The following PID1 variants were observed in gnomAD, a reference collection of about 807,000 sequenced individuals.
PID1 encodes the protein phosphotyrosine interaction domain containing 1, also known as PTB-containing, cubilin and LRP1-interacting protein.
In PID1, 10 loss-of-function variants were observed where a neutral mutation model predicts 19.1. The ratio of observed to expected loss-of-function variants is 0.52; its 90% CI spans 0.32 to 0.89. PID1 has a LOEUF of 0.89. Among genes scored for constraint, PID1 ranks in the 40% least tolerant of loss-of-function variants. PID1 has a pLI of 0.03. For synonymous variants in PID1, 130 were observed against 116.0 expected (o/e 1.12, Z -0.78); for missense variants, 248 against 285.3 (o/e 0.87, Z 0.94).
chr2:229,040,762 A>C (rs1693755311), intron 2 of PID1, among the ~76,000 whole-genome samples: 3 of 152,242 alleles, frequency 2.0e-5, no homozygotes, highest in Admixed American at 6.5e-5. Context: ...AGACAGAAAA[A>C]CTATAAACCA....
chr2:229,207,877 G>A (rs151262124), intron 1 of PID1, among the ~76,000 whole-genome samples: 4 of 151,980 alleles, frequency 2.6e-5, no homozygotes, highest in East Asian at 3.9e-4. Flanking sequence ...AACACGGCTC[G>A]GTAAATGGAA....
intron 1 of PID1, among the ~76,000 whole-genome samples, chr2:229,223,361 T>G (rs1201807573): frequency 6.6e-6 from 1 of 152,268 alleles, no homozygotes; most frequent in East Asian, 1.9e-4. Context: ...CATATTCTAA[T>G]GTTTATTCAT....
intron 2 of PID1, among the ~76,000 whole-genome samples, chr2:229,144,431 T>C (rs1690084072): frequency 6.6e-6 from 1 of 152,144 alleles, no homozygotes; most frequent in Non-Finnish European, 1.5e-5. Context: ...ATACGCCAAA[T>C]TTGATAAAGC....
At chr2:229,100,467 TA>T (rs891536509) in intron 2 of PID1, among the ~76,000 whole-genome samples, 3 of 152,154 alleles carry the variant, frequency 2.0e-5, no homozygotes, top group Non-Finnish European at 4.4e-5. Flanking sequence ...TCCCAGAAGA[TA>T]AAAACTGGGC....
intron 2 of PID1, among the ~76,000 whole-genome samples, chr2:229,130,969 G>A (rs1360510306): frequency 6.6e-6 from 1 of 151,988 alleles, no homozygotes; most frequent in African/African-American, 2.4e-5. Flanking sequence ...ATTCTCCCTG[G>A]GTGCACGCCT....
At chr2:229,222,828 G>A (rs1037352141) in intron 1 of PID1, among the ~76,000 whole-genome samples, 7 of 150,754 alleles carry the variant, frequency 4.6e-5, no homozygotes, top group Middle Eastern at 3.4e-3. Context: ...AATCACATAA[G>A]CCAATTCCTA....
Position 229,139,111 on chromosome 2 carries a change from GAAAGAGAA to G in PID1, c.177+16699_177+16706del, listed in dbSNP as rs1203992125. Among the ~76,000 whole-genome samples the G allele has an allele frequency of 2.4e-3, 170 of 72,158 alleles. 7 individuals carry two copies. The highest frequency in any genetic ancestry group is 0.013 in the Middle Eastern group (2 of 156). 47.3% of individuals were successfully genotyped at this position (72,158 alleles called of 152,430 possible). On this transcript the variant is annotated intron_variant, in intron 2 of 2. Transcript: ENST00000392055. The stretch of plus-strand genomic sequence containing the variant: ...AGAAAGAAAGAAAGAAAGAAAGAAA[GAAAGAGAA>G]AGAAAGAAAGAAAGAAAGAAAGAAA...
intron 2 of PID1, among the ~76,000 whole-genome samples, chr2:229,139,037 A>AAGAAAGAG (rs1559251365): frequency 1.8e-5 from 1 of 55,368 alleles, no homozygotes; most frequent in Non-Finnish European, 4.0e-5. Flanking sequence ...GAAAGAAAGA[A>AAGAAAGAG]AGAGAAAGAA....
intron 2 of PID1, among the ~76,000 whole-genome samples, chr2:229,099,337 T>C (rs1263957112): frequency 3.3e-5 from 5 of 152,214 alleles, no homozygotes; most frequent in Non-Finnish European, 1.5e-5. Context: ...AGGCAGCAGA[T>C]GTAATTTTCA....
intron 1 of PID1, among the ~76,000 whole-genome samples, chr2:229,164,847 G>A (rs1419957): frequency 0.3 from 45,030 of 152,060 alleles, 7,199 homozygotes; most frequent in Non-Finnish European, 0.37. Context: ...TGAAAGCCTG[G>A]GGGGACAAAC....
At chr2:229,111,666 C>A (rs1022030157) in intron 2 of PID1, among the ~76,000 whole-genome samples, 1 of 152,038 alleles carries the variant, frequency 6.6e-6, no homozygotes, top group African/African-American at 2.4e-5. Flanking sequence ...TTCAGTGCCC[C>A]TGAAACAATA....
chr2:229,163,680 T>TGCGCGC (rs1553570262), intron 1 of PID1, among the ~76,000 whole-genome samples: 1,306 of 103,740 alleles, frequency 0.013, 18 homozygotes, highest in African/African-American at 0.031. Context: ...TGTGTGCGTG[T>TGCGCGC]GCGTGTGTGT....
chr2:229,059,414 G>C (rs538529853), intron 2 of PID1, among the ~76,000 whole-genome samples: 1 of 152,324 alleles, frequency 6.6e-6, no homozygotes, highest in African/African-American at 2.4e-5. Flanking sequence ...TTATGTGCTA[G>C]GCACAAGGTT....
intron 2 of PID1, among the ~76,000 whole-genome samples, chr2:229,072,433 C>T (rs1364493876): frequency 6.6e-6 from 1 of 151,930 alleles, no homozygotes; most frequent in African/African-American, 2.4e-5. Flanking sequence ...CTAAAAGATA[C>T]AAAAATTAGC....
At chr2:229,033,612 T>C (rs1054878169) in intron 2 of PID1, among the ~76,000 whole-genome samples, 11 of 152,132 alleles carry the variant, frequency 7.2e-5, no homozygotes, top group Non-Finnish European at 1.3e-4. Flanking sequence ...CAAACCACCA[T>C]GGCACGTGTA....
chr2:229,183,756 C>T (rs7561984), intron 1 of PID1, among the ~76,000 whole-genome samples: 135,212 of 151,716 alleles, frequency 0.89, 60,395 homozygotes, highest in African/African-American at 0.94. Flanking sequence ...AACCACATCA[C>T]TGGCTATCCT....
chr2:229,221,773 G>A (rs1691974727), intron 1 of PID1, among the ~76,000 whole-genome samples: 1 of 152,172 alleles, frequency 6.6e-6, no homozygotes, highest in African/African-American at 2.4e-5. Flanking sequence ...CTGACTCCCA[G>A]TAAACTCAAC....
chr2:229,130,658 C>G (rs545127305), intron 2 of PID1, among the ~76,000 whole-genome samples: 1 of 152,136 alleles, frequency 6.6e-6, no homozygotes, highest in African/African-American at 2.4e-5. Flanking sequence ...TCACCTCCCC[C>G]ACTAGACTGT....
At chr2:229,069,146 TGTG>T (rs1694397626) in intron 2 of PID1, among the ~76,000 whole-genome samples, 1 of 107,284 alleles carries the variant, frequency 9.3e-6, no homozygotes, top group African/African-American at 4.2e-5. Context: ...AGGGTTTTTG[TGTG>T]TGTGTGTGTG....
Sources: gnomAD v4.1 joint callset for allele counts (sites outside exome capture counted in the v4.1 genomes callset) on GRCh38, gnomAD v4.1.1 for gene constraint, MANE v1.5 for transcripts, NCBI Gene and HGNC (gene_info 2026-07-23, HGNC 2026-07-21) for gene names.